The following PRDM12 variants were observed in gnomAD, a reference collection of about 807,000 sequenced individuals.
PRDM12 encodes PR/SET domain 12.
PRDM12 carries 17 observed loss-of-function variants against 29.6 expected under a neutral mutation model. That is an observed-to-expected ratio of 0.57 (90% CI 0.39 to 0.86). PRDM12 has a LOEUF of 0.86. Ranked by LOEUF, PRDM12 falls within the 40% of genes least tolerant of loss-of-function variation. The pLI is 0.00. For missense variants in PRDM12, 422 were observed against 510.8 expected, an observed-to-expected ratio of 0.83 and a Z score of 1.68; for synonymous variants, 231 against 225.8, an observed-to-expected ratio of 1.02 and a Z score of -0.21.
At position 130,681,099 on chromosome 9, in the gene PRDM12, C is replaced by A. The variant is rs1830895679; in HGVS notation, c.683-149C>A. 2 of 795,316 alleles carry A rather than the reference C, an allele frequency of 2.5e-6. No individual in the cohort carries two copies. The highest frequency in any genetic ancestry group is 8.2e-5 in the Admixed American group (2 of 24,444). The allele number at this position is 795,316 out of a possible 1,614,324, so 49.3% of individuals were successfully genotyped here. On this transcript the variant is annotated intron_variant, in intron 4 of 4. Transcript: ENST00000253008. This position sits in a 1 kb window ranked among gnomAD's most constrained non-coding sequence, Gnocchi z 8.1. ...CTTCGCTGTCCCTCCAGTCCGTCTG[C>A]CACCGTCCAAGCAGCACCCACCCTC...
chr9:130,678,702 G>A (rs1830865854), intron 4 of PRDM12, 62 bp downstream of exon 4: 1 of 1,371,658 alleles, frequency 7.3e-7, no homozygotes, highest in East Asian at 2.4e-5. Context: ...CCAGGGAGGG[G>A]AGAGAGAGAA....
chr9:130,680,055 G>C (rs951267738), intron 4 of PRDM12, among the ~76,000 whole-genome samples: 3 of 152,034 alleles, frequency 2.0e-5, no homozygotes, highest in African/African-American at 7.2e-5. Context: ...AATTTCTCTA[G>C]GCCGGGCATG....
chr9:130,676,362 G>C (rs964526763), intron 3 of PRDM12, among the ~76,000 whole-genome samples: 8 of 152,082 alleles, frequency 5.3e-5, no homozygotes, highest in African/African-American at 1.9e-4. Flanking sequence ...TGGGTGTGGT[G>C]GCGGGCACCT....
Position 130,666,815 on chromosome 9 carries a change from G to C in PRDM12, c.414+17G>C. 3 of 1,575,036 alleles carry C rather than the reference G, an allele frequency of 1.9e-6. No individual in the cohort carries two copies. The highest frequency in any genetic ancestry group is 2.6e-6 in the Non-Finnish European group (3 of 1,156,506). On this transcript the variant is annotated intron_variant, in intron 2 of 4. Transcript: ENST00000253008. ...ATGTGGGAGGTACGCGCGGGCTGGG[G>C]CAGAGGGGCGCAAGGGCCGGCGAGG...
chr9:130,681,342 C>CA lies in PRDM12; in HGVS notation c.777_778insA (p.Ser260IlefsTer291). 6.4e-7 allele frequency: 1 copy of CA among 1,571,794 alleles called. No individual in the cohort carries two copies. The highest frequency in any genetic ancestry group is 8.6e-7 in the Non-Finnish European group (1 of 1,157,984). On this transcript the variant is annotated frameshift_variant, in exon 5 of 5. Coordinates refer to ENST00000253008, the MANE Select transcript of PRDM12 (RefSeq NM_021619.3). LOFTEE classifies it high-confidence loss of function. The surrounding 1 kb of genome is among the most constrained non-coding windows in gnomAD (Gnocchi z 8.1). ...GCTTCAACTCGCGCAGCAACCTGCGCTCGCACATGCGCATCCACACGCTGG... is the reference window on the plus strand; with the variant it reads ...GCTTCAACTCGCGCAGCAACCTGCGCATCGCACATGCGCATCCACACGCTGG...
intron 3 of PRDM12, among the ~76,000 whole-genome samples, chr9:130,671,667 C>T (rs1441055560): frequency 2.0e-5 from 3 of 152,122 alleles, no homozygotes; most frequent in South Asian, 4.1e-4. Flanking sequence ...AAGATGAGGC[C>T]GAGGCCCAGA....
Position 130,681,103 on chromosome 9 carries a change from C to A in PRDM12, c.683-145C>A, listed in dbSNP as rs1347240485. On this transcript the variant is annotated intron_variant, in intron 4 of 4. Transcript: ENST00000253008. This position sits in a 1 kb window ranked among gnomAD's most constrained non-coding sequence, Gnocchi z 8.1. ...GCTGTCCCTCCAGTCCGTCTGCCAC[C>A]GTCCAAGCAGCACCCACCCTCAAGG... 1 of 823,900 alleles carries A rather than the reference C, an allele frequency of 1.2e-6. No individual in the cohort carries two copies. 51.0% of individuals were successfully genotyped at this position (823,900 alleles called of 1,614,324 possible). A position where few individuals can be genotyped will look rare whatever the true frequency, so the allele number is the denominator to read the frequency against.
chr9:130,678,444 T>C (rs1477981714), intron 3 of PRDM12, 85 bp from the exon 4 acceptor site: 2 of 954,808 alleles, frequency 2.1e-6, no homozygotes, highest in Non-Finnish European at 3.3e-6. Flanking sequence ...CCGGGTCTCC[T>C]GGCTGTGGAG....
chr9:130,682,323 G>C lies in PRDM12; in HGVS notation c.*654G>C, dbSNP rs935033864. 3.9e-5 allele frequency: 6 copies of C among 152,384 alleles called. No individual in the cohort carries two copies. Among genetic ancestry groups the C allele is most frequent in the African/African-American group, 1.4e-4 (6 of 41,466 alleles). 9.4% of individuals were successfully genotyped at this position (152,384 alleles called of 1,614,324 possible). A position where few individuals can be genotyped will look rare whatever the true frequency, so the allele number is the denominator to read the frequency against. On this transcript the variant is annotated 3_prime_UTR_variant, in exon 5 of 5. Coordinates refer to ENST00000253008, the MANE Select transcript of PRDM12 (RefSeq NM_021619.3). The surrounding 1 kb of genome is among the most constrained non-coding windows in gnomAD (Gnocchi z 4.2). ...GCTTACCCCCAAACCTGGCTCCTGG[G>C]GACGGATGAGGAAGGAGCTCTTTGC...
chr9:130,666,279 A>T (rs995360741), intron 1 of PRDM12, among the ~76,000 whole-genome samples: 3 of 152,206 alleles, frequency 2.0e-5, no homozygotes, highest in Non-Finnish European at 4.4e-5. Flanking sequence ...TGGCTCATTA[A>T]TTCTTAAACT....
rs375901403 is a variant in PRDM12, at chr9:130,679,869, C to T, written c.682+1229C>T. 1.3e-4 allele frequency among the ~76,000 whole-genome samples: 20 copies of T among 151,252 alleles called. 3 individuals carry two copies. Among genetic ancestry groups the T allele is most frequent in the Admixed American group, 5.9e-4 (9 of 15,180 alleles). On this transcript the variant is annotated intron_variant, in intron 4 of 4. Coordinates refer to ENST00000253008, the MANE Select transcript of PRDM12 (RefSeq NM_021619.3). ...TAGAGATGGGGTCTCGCCATGTTGC[C>T]CAGCTGGTCTGGAACTCCTGGGCTC... is the stretch of plus-strand genomic sequence containing the variant.
chr9:130,680,956 G>A (rs752674721), intron 4 of PRDM12, among the ~76,000 whole-genome samples: 3 of 152,058 alleles, frequency 2.0e-5, no homozygotes, highest in Non-Finnish European at 2.9e-5. Flanking sequence ...GGCAGTGCTA[G>A]CTTTCCATTT....
rs560918038 is a variant in PRDM12 at position 130,667,691 on chromosome 9, G to A, written c.415-467G>A. Among the ~76,000 whole-genome samples the A allele has an allele frequency of 6.6e-5, 10 of 152,252 alleles. No homozygotes were observed. In the South Asian group the frequency reaches 2.1e-3, roughly 32 times the overall value. On this transcript the variant is annotated intron_variant, in intron 2 of 4. Transcript: ENST00000253008. Reference sequence around the variant, plus strand: ...TGGGGTCCAGTTTGACCTCTGAGTGGCCTTGGCAGCTCCCGTGAAGGGGTT... The same window carrying A: ...TGGGGTCCAGTTTGACCTCTGAGTGACCTTGGCAGCTCCCGTGAAGGGGTT...
Position 130,668,378 on chromosome 9 carries a change from C to T in PRDM12, c.570+65C>T. ...GGTAAACCCGGCGGGGGGAGGTGTG[C>T]AGGGCAGCGGTGTCCAGGAACCACA... On this transcript the variant is annotated intron_variant, in intron 3 of 4. Coordinates refer to ENST00000253008, the MANE Select transcript of PRDM12 (RefSeq NM_021619.3). This position sits in a 1 kb window ranked among gnomAD's most constrained non-coding sequence, Gnocchi z 4.0. 1 of 1,600,102 alleles carries T rather than the reference C, an allele frequency of 6.2e-7. No individual in the cohort carries two copies. Among genetic ancestry groups the T allele is most frequent in the Non-Finnish European group, 8.5e-7 (1 of 1,170,586 alleles).
chr9:130,681,513 C>A lies in PRDM12; in HGVS notation c.948C>A (p.Ala316=). ...ACTCGCAGCTGGCCGGCCTGCGCGC[C>A]CACCAGAAGAGCGCGCGGCACCGGC... ...SAYSQLAGLR[A]HQKSARHRPP... Residue 316 remains alanine (A), a synonymous_variant, in exon 5 of 5, where the codon GCC becomes GCA. Transcript: ENST00000253008. The surrounding 1 kb of genome is among the most constrained non-coding windows in gnomAD (Gnocchi z 8.1). 2 of 1,426,944 alleles carry A rather than the reference C, an allele frequency of 1.4e-6. No individual in the cohort carries two copies. Among genetic ancestry groups the A allele is most frequent in the Non-Finnish European group, 1.8e-6 (2 of 1,083,982 alleles). 88.4% of individuals were successfully genotyped at this position (1,426,944 alleles called of 1,614,324 possible).
At chr9:130,679,382 G>C (rs1441952757) in intron 4 of PRDM12, among the ~76,000 whole-genome samples, 1 of 138,830 alleles carries the variant, frequency 7.2e-6, no homozygotes, top group Non-Finnish European at 1.5e-5. Context: ...ACCCAGGCTG[G>C]AACGCAGTGG....
intron 1 of PRDM12, among the ~76,000 whole-genome samples, chr9:130,665,882 C>G (rs928414909): frequency 6.6e-6 from 1 of 152,188 alleles, no homozygotes; most frequent in Non-Finnish European, 1.5e-5. Flanking sequence ...GCCGCAGATG[C>G]CCGACAGGGG....
At chr9:130,680,435 C>G (rs1226799590) in intron 4 of PRDM12, among the ~76,000 whole-genome samples, 1 of 150,808 alleles carries the variant, frequency 6.6e-6, no homozygotes, top group African/African-American at 2.4e-5. Flanking sequence ...GAGATCGAGA[C>G]CATCCTGGCC....
intron 3 of PRDM12, among the ~76,000 whole-genome samples, chr9:130,675,025 G>T (rs1011836448): frequency 3.3e-5 from 5 of 152,072 alleles, no homozygotes; most frequent in African/African-American, 1.2e-4. Context: ...GATTACAGGT[G>T]CCCACCACCA....
Sources: gnomAD v4.1 joint callset for allele counts (sites outside exome capture counted in the v4.1 genomes callset) on GRCh38, gnomAD v4.1.1 for gene constraint, Gnocchi (gnomAD v3.1) non-coding constraint, MANE v1.5 for transcripts, NCBI Gene and HGNC (gene_info 2026-07-23, HGNC 2026-07-21) for gene names.